The following ADAMTSL1 variants were observed in gnomAD, a reference collection of about 807,000 sequenced individuals.
ADAMTSL1 encodes the protein ADAMTS-like protein 1.
In ADAMTSL1, 126 loss-of-function variants were observed where a neutral mutation model predicts 201.8. The observed-to-expected ratio is 0.62, with a 90% CI of 0.54 to 0.72. ADAMTSL1 has a LOEUF of 0.72. Ranked by LOEUF, ADAMTSL1 falls within the 30% of genes least tolerant of loss-of-function variation. ADAMTSL1 has a pLI of 0.00. For synonymous variants in ADAMTSL1, 1,121 were observed against 903.4 expected (o/e 1.24, Z -4.32); for missense variants, 2,679 against 2,277.8 (o/e 1.18, Z -3.59).
chr9:18,447,522 G>C (rs1319378007), intron 2 of ADAMTSL1, among the ~76,000 whole-genome samples: 1 of 152,112 alleles, frequency 6.6e-6, no homozygotes, highest in African/African-American at 2.4e-5. Flanking sequence ...AAAAGGAAGG[G>C]ACAAAAATAG....
At chr9:18,018,482 T>C (rs552318053) in intron 1 of ADAMTSL1, among the ~76,000 whole-genome samples, 1 of 152,074 alleles carries the variant, frequency 6.6e-6, no homozygotes, top group Non-Finnish European at 1.5e-5. Flanking sequence ...AATATGGCTA[T>C]GGAATGTCAC....
At chr9:18,355,454 C>T (rs904955659) in intron 2 of ADAMTSL1, among the ~76,000 whole-genome samples, 40 of 152,258 alleles carry the variant, frequency 2.6e-4, no homozygotes, top group Non-Finnish European at 5.1e-4. Flanking sequence ...TCTCAGTTGT[C>T]ATTCCATAGC....
chr9:18,210,454 AATATATATTAATT>A (rs1458277181), intron 2 of ADAMTSL1, among the ~76,000 whole-genome samples: 1 of 147,030 alleles, frequency 6.8e-6, no homozygotes, highest in Non-Finnish European at 1.5e-5. Context: ...TATATTAATA[AATATATATTAATT>A]ATATATGATA....
chr9:17,927,069 C>G (rs1384295594), intron 1 of ADAMTSL1, among the ~76,000 whole-genome samples: 1 of 152,116 alleles, frequency 6.6e-6, no homozygotes, highest in African/African-American at 2.4e-5. Flanking sequence ...TTCTTTTCTT[C>G]CCCTATCCCC....
chr9:18,417,378 A>G (rs1228061041), intron 2 of ADAMTSL1, among the ~76,000 whole-genome samples: 4 of 149,192 alleles, frequency 2.7e-5, no homozygotes, highest in East Asian at 3.9e-4. Context: ...AAAAAAAAAA[A>G]AAAGAAAAAA....
intron 1 of ADAMTSL1, among the ~76,000 whole-genome samples, chr9:18,007,262 A>G (rs143633507): frequency 3.0e-3 from 457 of 152,180 alleles, no homozygotes; most frequent in South Asian, 6.6e-3. Flanking sequence ...AGCTTGGACA[A>G]TGCTGCTCTT....
chr9:17,956,722 A>G (rs150481287), intron 1 of ADAMTSL1, among the ~76,000 whole-genome samples: 1 of 152,308 alleles, frequency 6.6e-6, no homozygotes, highest in African/African-American at 2.4e-5. Context: ...TCAAGCAATT[A>G]GAAGCCATTT....
chr9:18,598,672 C>T (rs1361637294), intron 4 of ADAMTSL1, among the ~76,000 whole-genome samples: 1 of 152,180 alleles, frequency 6.6e-6, no homozygotes, highest in East Asian at 1.9e-4. Flanking sequence ...AAACATAATG[C>T]TCATCATTTC....
chr9:18,201,638 C>G (rs1441762833), intron 2 of ADAMTSL1, among the ~76,000 whole-genome samples: 1 of 152,020 alleles, frequency 6.6e-6, no homozygotes, highest in African/African-American at 2.4e-5. Context: ...TACCTCAGGG[C>G]TTTGTAAATA....
intron 1 of ADAMTSL1, among the ~76,000 whole-genome samples, chr9:18,020,208 T>A (rs1219938505): frequency 6.6e-6 from 1 of 151,770 alleles, no homozygotes; most frequent in African/African-American, 2.4e-5. Flanking sequence ...TCATTGGGGG[T>A]TGGGGAGGGG....
chr9:18,265,509 T>C (rs1289475227), intron 2 of ADAMTSL1, among the ~76,000 whole-genome samples: 2 of 152,216 alleles, frequency 1.3e-5, no homozygotes, highest in African/African-American at 4.8e-5. Context: ...TTTTGGTTCC[T>C]AGCACCAATA....
rs1827784270 is a variant in ADAMTSL1, at chr9:17,952,917, C to CCT, written c.87+45996_87+45997insTC. Among the ~76,000 whole-genome samples, 8 of 145,988 alleles carry CCT rather than the reference C, an allele frequency of 5.5e-5. No homozygotes were observed. The South Asian group carries it at 6.5e-4, about 12-fold the overall frequency. ...AGCAGTTTCTCTCTCTTCCTCCTTT[C>CCT]CCTCCTCCTCCTCCTCCTCCTCCTC... is the stretch of plus-strand genomic sequence containing the variant. On this transcript the variant is annotated intron_variant, in intron 1 of 29. Transcript: ENST00000680146.
chr9:18,501,662 A>G (rs1822853712), intron 1 of ADAMTSL1, among the ~76,000 whole-genome samples: 1 of 152,232 alleles, frequency 6.6e-6, no homozygotes, highest in Non-Finnish European at 1.5e-5. Flanking sequence ...CTAAAAAGTC[A>G]TTGCTGGTTA....
intron 7 of ADAMTSL1, among the ~76,000 whole-genome samples, chr9:18,645,590 T>G (rs1292565963): frequency 1.3e-5 from 2 of 151,966 alleles, no homozygotes; most frequent in Non-Finnish European, 1.5e-5. Flanking sequence ...GGGATCCAGT[T>G]TCAGCTTTCT....
At chr9:18,144,517 T>C (rs1476133565) in intron 1 of ADAMTSL1, among the ~76,000 whole-genome samples, 1 of 152,108 alleles carries the variant, frequency 6.6e-6, no homozygotes, top group Non-Finnish European at 1.5e-5. Flanking sequence ...TAATAGTGTA[T>C]ATCTCTTTAT....
chr9:18,080,418 C>T (rs562302014), intron 1 of ADAMTSL1, among the ~76,000 whole-genome samples: 1 of 152,162 alleles, frequency 6.6e-6, no homozygotes, highest in Non-Finnish European at 1.5e-5. Flanking sequence ...TAGCATTGTG[C>T]ATTAGGAGTT....
intron 19 of ADAMTSL1, chr9:18,793,207 C>T (rs1418295411): frequency 1.3e-5 from 2 of 152,338 alleles, no homozygotes; most frequent in Non-Finnish European, 2.9e-5. Context: ...ATATATAACT[C>T]GATTGATTGA....
intron 4 of ADAMTSL1, among the ~76,000 whole-genome samples, chr9:18,606,004 A>G (rs1036276986): frequency 4.6e-5 from 7 of 152,162 alleles, no homozygotes; most frequent in African/African-American, 1.7e-4. Context: ...ACTGCGTGGT[A>G]CAAACCAAAA....
chr9:18,560,941 A>G (rs202136754), intron 3 of ADAMTSL1, among the ~76,000 whole-genome samples: 1 of 29,590 alleles, frequency 3.4e-5, no homozygotes, highest in Non-Finnish European at 7.9e-5. Flanking sequence ...GTTAATCTTT[A>G]AAAAAAAAAA....
Sources: gnomAD v4.1 joint callset for allele counts (sites outside exome capture counted in the v4.1 genomes callset) on GRCh38, gnomAD v4.1.1 for gene constraint, MANE v1.5 for transcripts, NCBI Gene and HGNC (gene_info 2026-07-23, HGNC 2026-07-21) for gene names.